The following DLGAP2 variants were observed in gnomAD, a reference collection of about 807,000 sequenced individuals.
The protein encoded by DLGAP2 is disks large-associated protein 2.
In DLGAP2, 26 loss-of-function variants were observed where a neutral mutation model predicts 100.3. The observed-to-expected ratio is 0.26, with a 90% CI of 0.19 to 0.36. DLGAP2 has a LOEUF of 0.36. Ranked by LOEUF, DLGAP2 falls within the 10% of genes least tolerant of loss-of-function variation. The pLI, the probability that DLGAP2 is intolerant of heterozygous loss-of-function variation, is 1.00. For synonymous variants in DLGAP2, 886 were observed against 630.1 expected (o/e 1.41, Z -6.08); for missense variants, 1,858 against 1,453.2 (o/e 1.28, Z -4.53).
chr8:1,539,042 C>T (rs557466406), intron 4 of DLGAP2, among the ~76,000 whole-genome samples: 4 of 152,034 alleles, frequency 2.6e-5, no homozygotes, highest in East Asian at 1.9e-4. Context: ...CACACCACCA[C>T]GCCTGACTAA....
intron 3 of DLGAP2, among the ~76,000 whole-genome samples, chr8:1,498,469 G>C (rs1472292113): frequency 1.3e-5 from 2 of 152,156 alleles, no homozygotes; most frequent in Admixed American, 6.5e-5. Flanking sequence ...GTTGGAAAGT[G>C]AGCCATGTTA....
intron 4 of DLGAP2, among the ~76,000 whole-genome samples, chr8:1,503,310 C>A (rs569231622): frequency 6.6e-6 from 1 of 152,178 alleles, no homozygotes; most frequent in Non-Finnish European, 1.5e-5. Context: ...AGCCCTGGAA[C>A]CCCCATTCTG....
At chr8:1,195,550 T>G (rs572410296) in intron 2 of DLGAP2, among the ~76,000 whole-genome samples, 74 of 152,344 alleles carry the variant, frequency 4.9e-4, no homozygotes, top group African/African-American at 1.8e-3. Flanking sequence ...ACTTGGTACC[T>G]TCCTAAAAAT....
At chr8:827,771 G>C (rs562872255) in intron 1 of DLGAP2, among the ~76,000 whole-genome samples, 2 of 152,202 alleles carry the variant, frequency 1.3e-5, no homozygotes, top group African/African-American at 4.8e-5. Context: ...GTTGCTCAGA[G>C]ACAAAGACTA....
At position 1,176,350 on chromosome 8, in the gene DLGAP2, C is replaced by T. The variant is rs576537394; in HGVS notation, c.74-82501C>T. 1.4e-4 allele frequency among the ~76,000 whole-genome samples: 22 copies of T among 152,182 alleles called. No homozygotes were observed. The East Asian group carries it at 3.1e-3, about 21-fold the overall frequency. Reference sequence around the variant, plus strand: ...CGCTCCACACATGGGGATTACAGTTCGAGGTGAGATTTGGGTGGGGACACA... The same window carrying T: ...CGCTCCACACATGGGGATTACAGTTTGAGGTGAGATTTGGGTGGGGACACA... On this transcript the variant is annotated intron_variant, in intron 2 of 14. Coordinates refer to ENST00000637795, the MANE Select transcript of DLGAP2 (RefSeq NM_001346810.2).
intron 9 of DLGAP2, among the ~76,000 whole-genome samples, chr8:1,668,883 G>A (rs559246675): frequency 2.6e-5 from 4 of 152,186 alleles, no homozygotes; most frequent in Non-Finnish European, 4.4e-5. Flanking sequence ...GAGGTGATGC[G>A]GACCCCAGTG....
chr8:1,187,871 G>A lies in DLGAP2; in HGVS notation c.74-70980G>A, dbSNP rs1465760573. On this transcript the variant is annotated intron_variant, in intron 2 of 14. Transcript: ENST00000637795. ...CTCACACACCCGGGACCCCCGTGAC[G>A]TTTGCCTCACGGAATCTCACACGCC... is the stretch of plus-strand genomic sequence containing the variant. Among the ~76,000 whole-genome samples, 16 of 116,178 alleles carry A rather than the reference G, an allele frequency of 1.4e-4. 1 individual carries two copies. The highest frequency in any genetic ancestry group is 5.9e-3 in the Middle Eastern group (1 of 170). The allele number at this position is 116,178 out of a possible 152,430, so 76.2% of individuals were successfully genotyped here.
chr8:837,358 C>A (rs1407558186), intron 1 of DLGAP2, among the ~76,000 whole-genome samples: 2 of 152,170 alleles, frequency 1.3e-5, no homozygotes, highest in Non-Finnish European at 2.9e-5. Context: ...TTTCGTGGTT[C>A]CTGACTCATA....
chr8:1,156,921 C>G (rs1033267845), intron 2 of DLGAP2, among the ~76,000 whole-genome samples: 1 of 152,140 alleles, frequency 6.6e-6, no homozygotes, highest in African/African-American at 2.4e-5. Context: ...ACTCAGGGTT[C>G]CCAGTCGGTC....
In DLGAP2 at chr8:887,294, C is replaced by T. The variant is rs564874759; in HGVS notation, c.19-20618C>T. On this transcript the variant is annotated intron_variant, in intron 1 of 14. Coordinates refer to ENST00000637795, the MANE Select transcript of DLGAP2 (RefSeq NM_001346810.2). ...GCATGTAAGATGGGTCTCCTGAATA[C>T]AGCACACTGATGGGTCTTGACTCCT... 4.6e-5 allele frequency among the ~76,000 whole-genome samples: 7 copies of T among 152,152 alleles called. No individual in the cohort carries two copies. The South Asian group carries it at 1.5e-3, about 32-fold the overall frequency.
At position 1,124,267 on chromosome 8, in the gene DLGAP2, C is replaced by T. The variant is rs537070451; in HGVS notation, c.74-134584C>T. ...AGAGGACCATGGGCTAAGGAACTCGCCAAAGAGAAGAGCCTGGAAGCGGCT... is the reference window on the plus strand; with the variant it reads ...AGAGGACCATGGGCTAAGGAACTCGTCAAAGAGAAGAGCCTGGAAGCGGCT... On this transcript the variant is annotated intron_variant, in intron 2 of 14. Transcript: ENST00000637795. Among the ~76,000 whole-genome samples the T allele has an allele frequency of 2.0e-5, 3 of 152,282 alleles. No homozygotes were observed. In the South Asian group the frequency reaches 6.2e-4, roughly 32 times the overall value.
intron 1 of DLGAP2, among the ~76,000 whole-genome samples, chr8:758,356 T>C (rs1280454574): frequency 6.6e-6 from 1 of 152,232 alleles, no homozygotes. Context: ...TCCCTGTTAT[T>C]GCTTATCAGG....
At chr8:1,537,460 T>C (rs1280595247) in intron 4 of DLGAP2, among the ~76,000 whole-genome samples, 1 of 152,108 alleles carries the variant, frequency 6.6e-6, no homozygotes, top group Non-Finnish European at 1.5e-5. Flanking sequence ...CTCCCATGCC[T>C]GCCACCACCA....
At chr8:1,480,943 C>A (rs1007502653) in intron 3 of DLGAP2, among the ~76,000 whole-genome samples, 1 of 151,866 alleles carries the variant, frequency 6.6e-6, no homozygotes, top group African/African-American at 2.4e-5. Context: ...GAGGCCGAGG[C>A]GGGCAGATCA....
At chr8:881,464 T>G (rs1192066511) in intron 1 of DLGAP2, among the ~76,000 whole-genome samples, 3 of 151,236 alleles carry the variant, frequency 2.0e-5, no homozygotes, top group Non-Finnish European at 4.4e-5. Context: ...AGAACATTTA[T>G]TTTCTCATCC....
At chr8:1,595,200 C>G (rs1188805575) in intron 6 of DLGAP2, among the ~76,000 whole-genome samples, 1 of 152,120 alleles carries the variant, frequency 6.6e-6, no homozygotes, top group Non-Finnish European at 1.5e-5. Flanking sequence ...GCCATCACAC[C>G]TGGCTAATTT....
chr8:892,695 G>A (rs1798060564), intron 1 of DLGAP2, among the ~76,000 whole-genome samples: 1 of 152,222 alleles, frequency 6.6e-6, no homozygotes, highest in Admixed American at 6.5e-5. Context: ...CTGCAGAACA[G>A]AGAGGCGGGG....
chr8:809,560 G>C (rs904478180), intron 1 of DLGAP2, among the ~76,000 whole-genome samples: 2 of 151,692 alleles, frequency 1.3e-5, no homozygotes, highest in African/African-American at 4.8e-5. Flanking sequence ...GTGGTTACTT[G>C]ATGGTGTGGC....
At chr8:1,154,483 T>G (rs952460467) in intron 2 of DLGAP2, among the ~76,000 whole-genome samples, 1 of 152,244 alleles carries the variant, frequency 6.6e-6, no homozygotes, top group African/African-American at 2.4e-5. Context: ...ATTTCCCTTA[T>G]TCAAAGACAA....
Sources: gnomAD v4.1 joint callset for allele counts (sites outside exome capture counted in the v4.1 genomes callset) on GRCh38, gnomAD v4.1.1 for gene constraint, MANE v1.5 for transcripts, NCBI Gene and HGNC (gene_info 2026-07-23, HGNC 2026-07-21) for gene names.